ZNF804B: variants seen among roughly 807,000 people sequenced by gnomAD.
ZNF804B encodes the protein zinc finger 804B.
ZNF804B carries 80 observed loss-of-function variants against 101.4 expected under a neutral mutation model. That is an observed-to-expected ratio of 0.79 (90% confidence interval 0.66 to 0.95). ZNF804B has a LOEUF of 0.95. Among genes scored for constraint, ZNF804B ranks in the 40% least tolerant of loss-of-function variants. The pLI, the probability that ZNF804B is intolerant of heterozygous loss-of-function variation, is 0.00. For missense variants in ZNF804B, 1,673 were observed against 1,561.9 expected, an observed-to-expected ratio of 1.07 and a Z score of -1.20; for synonymous variants, 622 against 558.8, an observed-to-expected ratio of 1.11 and a Z score of -1.59.
chr7:88,941,355 A>G (rs775477741), intron 1 of ZNF804B, among the ~76,000 whole-genome samples: 1 of 152,070 alleles, frequency 6.6e-6, no homozygotes, highest in Non-Finnish European at 1.5e-5. Context: ...AAAACTTGGA[A>G]GTAACCAAGA....
chr7:88,879,604 A>G (rs144918850), intron 1 of ZNF804B, among the ~76,000 whole-genome samples: 377 of 152,290 alleles, frequency 2.5e-3, no homozygotes, highest in Middle Eastern at 0.017. Context: ...AGCCCCATGC[A>G]TAGAAGAGTT....
chr7:88,762,295 A>T (rs1397406996), intron 1 of ZNF804B, among the ~76,000 whole-genome samples: 1 of 152,166 alleles, frequency 6.6e-6, no homozygotes, highest in Admixed American at 6.5e-5. Flanking sequence ...ATAGTTTCTC[A>T]TGTGAGCTGG....
At chr7:89,021,564 T>A (rs968645756) in intron 1 of ZNF804B, among the ~76,000 whole-genome samples, 3 of 152,162 alleles carry the variant, frequency 2.0e-5, no homozygotes, top group Non-Finnish European at 2.9e-5. Context: ...TGGGCACAGG[T>A]ACATCACTGC....
intron 1 of ZNF804B, among the ~76,000 whole-genome samples, chr7:89,204,388 T>C (rs966666336): frequency 6.6e-6 from 1 of 152,210 alleles, no homozygotes; most frequent in Non-Finnish European, 1.5e-5. Context: ...CCTTTATAAA[T>C]GGAACAGCAT....
intron 1 of ZNF804B, among the ~76,000 whole-genome samples, chr7:88,871,862 G>A (rs962786345): frequency 6.6e-5 from 10 of 152,106 alleles, no homozygotes; most frequent in African/African-American, 1.4e-4. Flanking sequence ...CAGCTACTAC[G>A]GAGGCTGAGG....
intron 2 of ZNF804B, among the ~76,000 whole-genome samples, chr7:89,245,661 CA>C (rs1789431937): frequency 6.6e-6 from 1 of 152,064 alleles, no homozygotes; most frequent in African/African-American, 2.4e-5. Context: ...AGGCTTTTAG[CA>C]TGCTTCAGCT....
In ZNF804B at chr7:89,336,121, A is replaced by G. The variant is rs756850558; in HGVS notation, c.3139A>G (p.Thr1047Ala). ...SQSLNIKRDA[T>A]TKEQSKPLIS... ...GTCACTAAACATAAAAAGGGATGCA[A>G]CAACAAAAGAACAATCAAAACCTTT... Residue 1047 changes from threonine (T) to alanine (A), a missense_variant, in exon 4 of 4, where the codon ACA becomes GCA. By Grantham distance (58) the Thr-to-Ala change is moderately conservative. Coordinates refer to ENST00000333190, the MANE Select transcript of ZNF804B (RefSeq NM_181646.5). 6.2e-7 allele frequency: 1 copy of G among 1,613,968 alleles called. No homozygotes were observed. The highest frequency in any genetic ancestry group is 1.7e-5 in the Admixed American group (1 of 59,970).
chr7:89,097,515 A>G (rs544623413), intron 1 of ZNF804B, among the ~76,000 whole-genome samples: 18 of 152,334 alleles, frequency 1.2e-4, no homozygotes, highest in Non-Finnish European at 2.2e-4. Flanking sequence ...TTTAAGAGCG[A>G]AGAACCAAGC....
chr7:89,203,773 G>T (rs1209928285), intron 1 of ZNF804B, among the ~76,000 whole-genome samples: 1 of 152,096 alleles, frequency 6.6e-6, no homozygotes, highest in Non-Finnish European at 1.5e-5. Context: ...ATAGAGAGAT[G>T]TCCTTGGTGT....
chr7:89,049,266 A>C (rs915628258), intron 1 of ZNF804B, among the ~76,000 whole-genome samples: 2 of 152,192 alleles, frequency 1.3e-5, no homozygotes, highest in South Asian at 4.1e-4. Flanking sequence ...GAATCTTCTC[A>C]CTCAGCCCAA....
chr7:88,891,443 C>A (rs1344891760), intron 1 of ZNF804B, among the ~76,000 whole-genome samples: 3 of 152,034 alleles, frequency 2.0e-5, no homozygotes, highest in African/African-American at 7.2e-5. Context: ...ATTATTCAAA[C>A]CTTACATGTC....
chr7:89,209,670 A>G (rs1166816253), intron 1 of ZNF804B, among the ~76,000 whole-genome samples: 2 of 152,184 alleles, frequency 1.3e-5, no homozygotes, highest in East Asian at 3.8e-4. Context: ...CCAACAGTCT[A>G]ATTCTCCGTG....
Position 89,196,217 on chromosome 7 carries a change from A to G in ZNF804B, c.109-21938A>G, listed in dbSNP as rs535817187. Among the ~76,000 whole-genome samples, 4 of 152,232 alleles carry G rather than the reference A, an allele frequency of 2.6e-5. No homozygotes were observed. In the South Asian group the frequency reaches 6.2e-4, roughly 24 times the overall value. ...AGTATTAAAACAGACCCATAGGCCA[A>G]TGAAATAGAATAGAAACTTTGGAAA... is the stretch of plus-strand genomic sequence containing the variant. On this transcript the variant is annotated intron_variant, in intron 1 of 3. Transcript: ENST00000333190.
intron 1 of ZNF804B, among the ~76,000 whole-genome samples, chr7:88,846,514 C>T (rs559823201): frequency 6.6e-6 from 1 of 152,242 alleles, no homozygotes; most frequent in Admixed American, 6.5e-5. Flanking sequence ...AGACATTTAT[C>T]CACACATCGA....
chr7:88,841,892 G>A (rs1251983267), intron 1 of ZNF804B, among the ~76,000 whole-genome samples: 1 of 152,114 alleles, frequency 6.6e-6, no homozygotes, highest in African/African-American at 2.4e-5. Flanking sequence ...GTATTTCTCA[G>A]AAAGAGGTAA....
chr7:89,332,238 C>T (rs965495772), intron 3 of ZNF804B, among the ~76,000 whole-genome samples: 9 of 151,546 alleles, frequency 5.9e-5, no homozygotes, highest in East Asian at 1.9e-4. Context: ...CTCTAGAGTT[C>T]GATGCTGATT....
intron 1 of ZNF804B, among the ~76,000 whole-genome samples, chr7:89,193,026 C>A (rs1266620971): frequency 6.6e-6 from 1 of 152,026 alleles, no homozygotes; most frequent in East Asian, 1.9e-4. Flanking sequence ...ACATGGCAAA[C>A]CCACAGCCAA....
chr7:89,099,103 C>T (rs1562884308), intron 1 of ZNF804B, among the ~76,000 whole-genome samples: 1 of 149,340 alleles, frequency 6.7e-6, no homozygotes. Context: ...CACACACACA[C>T]ATACACACAC....
At chr7:88,863,635 G>T (rs557602017) in intron 1 of ZNF804B, among the ~76,000 whole-genome samples, 1 of 152,260 alleles carries the variant, frequency 6.6e-6, no homozygotes, top group East Asian at 1.9e-4. Context: ...AGGTGATTTG[G>T]TAAAAAGCAC....
Sources: gnomAD v4.1 joint callset for allele counts (sites outside exome capture counted in the v4.1 genomes callset) on GRCh38, gnomAD v4.1.1 for gene constraint, MANE v1.5 for transcripts, NCBI Gene and HGNC (gene_info 2026-07-23, HGNC 2026-07-21) for gene names.